EPYC: variants seen among roughly 807,000 people sequenced by gnomAD.
The protein encoded by EPYC is dermatan sulfate proteoglycan 3.
In EPYC, 28 loss-of-function variants were observed where a neutral mutation model predicts 30.1. The observed-to-expected ratio is 0.93, with a 90% CI of 0.69 to 1.28. The LOEUF is 1.28. EPYC is among the 50% of genes most tolerant of loss of function. The probability of loss-of-function intolerance (pLI) is 0.00; values close to 1 mark genes in which losing one functional copy is unlikely to be tolerated. For missense variants in EPYC, 382 were observed against 383.5 expected (o/e 1.00, Z 0.03); for synonymous variants, 144 against 141.4 (o/e 1.02, Z -0.13).
At chr12:90,992,120 CA>C (rs1877599349) in intron 2 of EPYC, among the ~76,000 whole-genome samples, 1 of 152,170 alleles carries the variant, frequency 6.6e-6, no homozygotes, top group Non-Finnish European at 1.5e-5. Context: ...TGTTCTGCCT[CA>C]GATCATCAGG....
chr12:90,968,130 C>T (rs1876946671), intron 6 of EPYC, among the ~76,000 whole-genome samples: 1 of 151,984 alleles, frequency 6.6e-6, no homozygotes, highest in Non-Finnish European at 1.5e-5. Context: ...TGTATTGACC[C>T]TGATGTATTA....
Position 90,977,339 on chromosome 12 carries a change from G to A in EPYC, c.340+749C>T, listed in dbSNP as rs1209062992. On this transcript the variant is annotated intron_variant, in intron 3 of 6. Coordinates refer to ENST00000261172, the MANE Select transcript of EPYC (RefSeq NM_004950.5). ...ATACGGACATATTATAGAATTACAT[G>A]TAGCACTAAGAATTCCTTCTCATTA... is the stretch of plus-strand genomic sequence containing the variant. Among the ~76,000 whole-genome samples the A allele has an allele frequency of 3.9e-5, 6 of 152,150 alleles. No homozygotes were observed. The East Asian group carries it at 1.2e-3, about 29-fold the overall frequency.
chr12:90,979,154 T>C (rs1405138256), intron 2 of EPYC, among the ~76,000 whole-genome samples: 1 of 152,144 alleles, frequency 6.6e-6, no homozygotes, highest in Non-Finnish European at 1.5e-5. Flanking sequence ...TGTCTGAATG[T>C]CTATTTCTTT....
chr12:90,977,051 G>A (rs1230826353), intron 3 of EPYC, among the ~76,000 whole-genome samples: 1 of 152,080 alleles, frequency 6.6e-6, no homozygotes, highest in East Asian at 1.9e-4. Flanking sequence ...AATACATACA[G>A]TATTGCCTCT....
At chr12:90,992,623 T>G (rs1273814837) in intron 2 of EPYC, among the ~76,000 whole-genome samples, 1 of 152,136 alleles carries the variant, frequency 6.6e-6, no homozygotes, top group African/African-American at 2.4e-5. Context: ...AAACTTCAGG[T>G]AAGACTGGAT....
chr12:90,970,168 A>G (rs759782367), intron 5 of EPYC, 29 bp from the exon 6 acceptor site: 4 of 1,481,252 alleles, frequency 2.7e-6, no homozygotes, highest in South Asian at 2.3e-5. Flanking sequence ...TGGGAACTCA[A>G]TAAAAACTCA....
At chr12:90,978,372 T>C (rs1261662281) in intron 2 of EPYC, 110 bp from the exon 3 acceptor site, 8 of 1,040,484 alleles carry the variant, frequency 7.7e-6, no homozygotes, top group Non-Finnish European at 1.1e-5. Context: ...AGGACACTCA[T>C]GTTCTAAAGT....
At chr12:91,002,103 T>C (rs1877841265) in intron 2 of EPYC, among the ~76,000 whole-genome samples, 1 of 146,782 alleles carries the variant, frequency 6.8e-6, no homozygotes, top group African/African-American at 2.5e-5. Context: ...GGCAGGAGAA[T>C]TGCTTGAACC....
At chr12:90,994,314 G>T (rs1178825921) in intron 2 of EPYC, among the ~76,000 whole-genome samples, 1 of 152,134 alleles carries the variant, frequency 6.6e-6, no homozygotes, top group Non-Finnish European at 1.5e-5. Context: ...CAATGGTAAA[G>T]TTACTTGCAT....
chr12:91,002,607 T>C, intron 1 of EPYC, 29 bp from the exon 2 acceptor site: 2 of 1,490,308 alleles, frequency 1.3e-6, no homozygotes, highest in Non-Finnish European at 1.8e-6. Context: ...AATGCATAAA[T>C]ATTTAATTGA....
At chr12:91,004,471 TTAA>T (rs1343070903) in intron 1 of EPYC, among the ~76,000 whole-genome samples, 1 of 152,094 alleles carries the variant, frequency 6.6e-6, no homozygotes, top group African/African-American at 2.4e-5. Flanking sequence ...ATACCATTTA[TTAA>T]TATTTTAAAA....
intron 2 of EPYC, among the ~76,000 whole-genome samples, chr12:91,000,307 T>C (rs762927781): frequency 6.6e-6 from 1 of 152,108 alleles, no homozygotes; most frequent in East Asian, 1.9e-4. Context: ...GACGCAATGC[T>C]TTATATTTGG....
chr12:90,985,342 TCCC>T (rs1877424538), intron 2 of EPYC, among the ~76,000 whole-genome samples: 2 of 152,094 alleles, frequency 1.3e-5, no homozygotes, highest in African/African-American at 4.8e-5. Flanking sequence ...GTCATCCAAC[TCCC>T]TCAAAAGTCA....
Position 90,964,234 on chromosome 12 carries a change from A to AT in EPYC, c.890dup (p.Asp297GlufsTer6), listed in dbSNP as rs1156753211. ...TTTTGCTGAGATTAATAGGGTTTCC[A>AT]TCCAATCGAATGTCCTCTAGTGCCT... On this transcript the variant is annotated frameshift_variant, in exon 7 of 7. Coordinates refer to ENST00000261172, the MANE Select transcript of EPYC (RefSeq NM_004950.5). LOFTEE classifies it high-confidence loss of function. 1 of 1,613,798 alleles carries AT rather than the reference A, an allele frequency of 6.2e-7. No individual in the cohort carries two copies. The highest frequency in any genetic ancestry group is 1.1e-5 in the South Asian group (1 of 91,058).
At chr12:91,003,767 T>A (rs1451152355) in intron 1 of EPYC, among the ~76,000 whole-genome samples, 2 of 152,116 alleles carry the variant, frequency 1.3e-5, no homozygotes, top group African/African-American at 4.8e-5. Context: ...GTGGTGTTAC[T>A]ACCTATGCAT....
chr12:91,001,453 C>T (rs1430807919), intron 2 of EPYC, among the ~76,000 whole-genome samples: 2 of 152,054 alleles, frequency 1.3e-5, no homozygotes, highest in African/African-American at 4.8e-5. Flanking sequence ...GTCAGTGTTG[C>T]ACATTAGTTA....
chr12:90,971,874 G>T lies in EPYC; in HGVS notation c.628C>A (p.Pro210Thr). Residue 210 changes from proline to threonine, a missense_variant, in exon 5 of 7, where the codon CCA (proline) becomes ACA (threonine). Physicochemically the swap from Pro to Thr is conservative, Grantham distance 38 (BLOSUM62 -1). Coordinates refer to ENST00000261172, the MANE Select transcript of EPYC (RefSeq NM_004950.5). ...ATATCAATAAATGTCAAAGTGGTTG[G>T]CAATTCTGGGAGCTGCCTTATTTTG... is the stretch of plus-strand genomic sequence containing the variant. The part of the protein sequence containing the change: ...DNKIRQLPEL[P>T]TTLTFIDISN... 3 of 1,611,858 alleles carry T rather than the reference G, an allele frequency of 1.9e-6. No homozygotes were observed. Among genetic ancestry groups the T allele is most frequent in the Non-Finnish European group, 2.5e-6 (3 of 1,179,060 alleles).
At chr12:90,973,048 G>A (rs1366900754) in intron 3 of EPYC, 68 bp from the exon 4 acceptor site, 1 of 1,119,740 alleles carries the variant, frequency 8.9e-7, no homozygotes, top group Non-Finnish European at 1.3e-6. Flanking sequence ...AATGTGGAAT[G>A]TTTGATACAC....
At chr12:90,966,350 A>G (rs966508115) in intron 6 of EPYC, among the ~76,000 whole-genome samples, 1 of 152,070 alleles carries the variant, frequency 6.6e-6, no homozygotes, top group African/African-American at 2.4e-5. Context: ...ATTATAATAA[A>G]ATGGTGTTGG....
Sources: gnomAD v4.1 joint callset for allele counts (sites outside exome capture counted in the v4.1 genomes callset) on GRCh38, gnomAD v4.1.1 for gene constraint, MANE v1.5 for transcripts, NCBI Gene and HGNC (gene_info 2026-07-23, HGNC 2026-07-21) for gene names.